VAV3: variants seen among roughly 807,000 people sequenced by gnomAD.
VAV3 encodes vav guanine nucleotide exchange factor 3, also known as guanine nucleotide exchange factor VAV3.
In VAV3, 94 loss-of-function variants were observed where a neutral mutation model predicts 131.2. The observed-to-expected ratio is 0.72, with a 90% CI of 0.61 to 0.85. The LOEUF (loss-of-function observed/expected upper bound fraction) is 0.85, where lower values mean the gene tolerates loss of function less well. VAV3 is among the 40% of genes least tolerant of loss of function. The probability of loss-of-function intolerance (pLI) is 0.00; values close to 1 mark genes in which losing one functional copy is unlikely to be tolerated. For missense variants in VAV3, 939 were observed against 1,002.7 expected (o/e 0.94, Z 0.86); for synonymous variants, 349 against 342.0 (o/e 1.02, Z -0.22).
chr1:107,722,635 G>T (rs1661567398), intron 15 of VAV3, among the ~76,000 whole-genome samples: 1 of 152,138 alleles, frequency 6.6e-6, no homozygotes, highest in Admixed American at 6.5e-5. Context: ...TGACCTTGAA[G>T]GGTTGTTTTC....
At chr1:107,599,975 C>G (rs1651716470) in intron 24 of VAV3, among the ~76,000 whole-genome samples, 1 of 151,752 alleles carries the variant, frequency 6.6e-6, no homozygotes, top group African/African-American at 2.4e-5. Context: ...TTTGAGAAAC[C>G]TTCACACCAA....
rs76543525 is a variant in VAV3 at position 107,911,483 on chromosome 1, T to C, written c.205-36466A>G. 3.5e-3 allele frequency among the ~76,000 whole-genome samples: 538 copies of C among 152,354 alleles called. 6 individuals are homozygous for C. Among genetic ancestry groups the C allele is most frequent in the African/African-American group, 0.012 (511 of 41,588 alleles). On this transcript the variant is annotated intron_variant, in intron 1 of 26. Transcript: ENST00000370056. ...ACTGGAGGCAGATAAATTTTGAATG[T>C]GTTATATAGCAGGGTATTAACCCAC...
At chr1:107,590,975 A>G (rs566269369) in intron 25 of VAV3, among the ~76,000 whole-genome samples, 5 of 152,268 alleles carry the variant, frequency 3.3e-5, no homozygotes, top group African/African-American at 1.2e-4. Flanking sequence ...CTGTCTGTAA[A>G]ACTTCAATAC....
At chr1:107,803,463 T>C (rs1319561646) in intron 2 of VAV3, among the ~76,000 whole-genome samples, 1 of 152,106 alleles carries the variant, frequency 6.6e-6, no homozygotes, top group Admixed American at 6.6e-5. Context: ...CTTTAATTTG[T>C]CTCATGAATT....
At chr1:107,719,577 G>A (rs1661355000) in intron 15 of VAV3, among the ~76,000 whole-genome samples, 1 of 152,220 alleles carries the variant, frequency 6.6e-6, no homozygotes, top group African/African-American at 2.4e-5. Flanking sequence ...TGGAGAGTAT[G>A]TGGAGAAATA....
chr1:107,735,269 T>C (rs1662534619), intron 15 of VAV3, among the ~76,000 whole-genome samples: 1 of 152,040 alleles, frequency 6.6e-6, no homozygotes, highest in African/African-American at 2.4e-5. Context: ...AGATCTAAAA[T>C]CGACACCCTA....
At position 107,760,740 on chromosome 1, in the gene VAV3, G is replaced by T. The variant is rs149106428; in HGVS notation, c.1017+44C>A. Reference sequence around the variant, plus strand: ...GTTGATGCTTCATTAATATTTTGTTGAGTGAATAAATGGACAATAAATAAA... The same window carrying T: ...GTTGATGCTTCATTAATATTTTGTTTAGTGAATAAATGGACAATAAATAAA... On this transcript the variant is annotated intron_variant, in intron 10 of 26. Transcript: ENST00000370056. 3.5e-6 allele frequency: 5 copies of T among 1,446,548 alleles called. No individual in the cohort carries two copies. The Admixed American group carries it at 8.6e-5, about 25-fold the overall frequency. The allele number at this position is 1,446,548 out of a possible 1,614,324, so 89.6% of individuals were successfully genotyped here.
intron 16 of VAV3, 48 bp from the exon 17 acceptor site, chr1:107,704,698 GC>G (rs1280567835): frequency 6.8e-7 from 1 of 1,470,870 alleles, no homozygotes; most frequent in Non-Finnish European, 9.5e-7. Flanking sequence ...GCAAAATTCT[GC>G]CCATATGAAA....
At chr1:107,845,816 A>G (rs183873102) in intron 2 of VAV3, among the ~76,000 whole-genome samples, 146 of 152,328 alleles carry the variant, frequency 9.6e-4, no homozygotes, top group African/African-American at 3.3e-3. Context: ...GACCAAACCT[A>G]CATTTGATTG....
chr1:107,859,080 T>G (rs1669615414), intron 2 of VAV3, among the ~76,000 whole-genome samples: 1 of 151,808 alleles, frequency 6.6e-6, no homozygotes, highest in East Asian at 1.9e-4. Context: ...GGAGTTTTTT[T>G]TTTTTTTTCA....
chr1:107,603,220 C>CTAAA, intron 22 of VAV3, 57 bp from the exon 23 acceptor site: 1 of 1,296,766 alleles, frequency 7.7e-7, no homozygotes, highest in Non-Finnish European at 1.1e-6. Context: ...AGAACAGAGG[C>CTAAA]TAAAAGTAAG....
rs963524880 is a variant in VAV3 at position 107,912,273 on chromosome 1, T to C, written c.205-37256A>G. On this transcript the variant is annotated intron_variant, in intron 1 of 26. Transcript: ENST00000370056. ...TCAGTTAAAAAATACTAAACAAAAC[T>C]AATGCTTTGTTGCTTTGTAATTTTG... 2.0e-5 allele frequency among the ~76,000 whole-genome samples: 3 copies of C among 152,340 alleles called. 1 individual carries two copies. The highest frequency in any genetic ancestry group is 4.1e-4 in the South Asian group (2 of 4,832).
chr1:107,573,154 A>G lies in VAV3; in HGVS notation c.*177T>C. The stretch of plus-strand genomic sequence containing the variant: ...GCTCTAGGCAAGCCATTAATCTGTC[A>G]GTACCAGCATCTTTAGAAATCTCAG... On this transcript the variant is annotated 3_prime_UTR_variant, in exon 27 of 27. Coordinates refer to ENST00000370056, the MANE Select transcript of VAV3 (RefSeq NM_006113.5). The G allele has an allele frequency of 1.5e-6, 1 of 681,634 alleles. No individual in the cohort carries two copies. The highest frequency in any genetic ancestry group is 2.4e-6 in the Non-Finnish European group (1 of 411,864). 42.2% of individuals were successfully genotyped at this position (681,634 alleles called of 1,614,324 possible).
At chr1:107,823,603 G>A (rs940419412) in intron 2 of VAV3, among the ~76,000 whole-genome samples, 7 of 152,190 alleles carry the variant, frequency 4.6e-5, no homozygotes, top group African/African-American at 1.2e-4. Flanking sequence ...AATGGCCAGT[G>A]AGGTGGTAGG....
chr1:107,795,510 T>C (rs1159170666), intron 2 of VAV3, among the ~76,000 whole-genome samples: 5 of 152,156 alleles, frequency 3.3e-5, no homozygotes, highest in Admixed American at 3.3e-4. Context: ...TTATCTTCTC[T>C]CTTAACCTAT....
chr1:107,759,783 C>T (rs1422758772), intron 10 of VAV3, among the ~76,000 whole-genome samples: 1 of 151,994 alleles, frequency 6.6e-6, no homozygotes, highest in African/African-American at 2.4e-5. Flanking sequence ...TTTTAAAAAG[C>T]TGTACCTTCT....
chr1:107,621,508 T>TA (rs1390773232), intron 20 of VAV3, among the ~76,000 whole-genome samples: 2 of 152,116 alleles, frequency 1.3e-5, no homozygotes, highest in Non-Finnish European at 2.9e-5. Flanking sequence ...GTCAATCCCC[T>TA]ATGCATGGAT....
chr1:107,748,965 C>G lies in VAV3; in HGVS notation c.1502+3G>C, dbSNP rs1483323211. The G allele has an allele frequency of 1.3e-6, 2 of 1,577,042 alleles. No homozygotes were observed. The highest frequency in any genetic ancestry group is 1.7e-6 in the Non-Finnish European group (2 of 1,160,622). On this transcript the variant is annotated splice_donor_region_variant and intron_variant, in intron 15 of 26. Transcript: ENST00000370056. The stretch of plus-strand genomic sequence containing the variant: ...AAGCACTTTTAAAAATAGAAATACT[C>G]ACAAAGCCATTTCAAACTGTTCTAG...
At chr1:107,779,947 G>T (rs1665599286) in intron 2 of VAV3, among the ~76,000 whole-genome samples, 1 of 152,148 alleles carries the variant, frequency 6.6e-6, no homozygotes, top group African/African-American at 2.4e-5. Context: ...GTGTTCAGTA[G>T]CCACACACAT....
Sources: allele counts gnomAD v4.1 joint callset (sites outside exome capture counted in the v4.1 genomes callset), GRCh38; gene constraint gnomAD v4.1.1; transcripts MANE v1.5; gene names NCBI Gene and HGNC (gene_info 2026-07-23, HGNC 2026-07-21).